MAGI2: variants seen among roughly 807,000 people sequenced by gnomAD.
MAGI2 encodes membrane-associated guanylate kinase, WW and PDZ domain-containing protein 2.
A neutral mutation model predicts 133.3 loss-of-function variants in MAGI2; 35 were observed. The observed-to-expected ratio is 0.26, with a 90% confidence interval of 0.20 to 0.35. The LOEUF (loss-of-function observed/expected upper bound fraction) is 0.35, where lower values mean the gene tolerates loss of function less well. Ranked by LOEUF, MAGI2 falls within the 10% of genes least tolerant of loss-of-function variation. The pLI, the probability that MAGI2 is intolerant of heterozygous loss-of-function variation, is 1.00. For synonymous variants in MAGI2, 729 were observed against 710.6 expected (o/e 1.03, Z -0.41); for missense variants, 1,636 against 1,863.4 (o/e 0.88, Z 2.25).
chr7:78,130,280 C>A (rs576143447), intron 18 of MAGI2, among the ~76,000 whole-genome samples: 1 of 152,230 alleles, frequency 6.6e-6, no homozygotes, highest in Admixed American at 6.5e-5. Context: ...GGAAGCCAAT[C>A]CAAGAGTAAA....
chr7:78,089,452 T>C (rs941577604), intron 20 of MAGI2, among the ~76,000 whole-genome samples: 1 of 152,234 alleles, frequency 6.6e-6, no homozygotes, highest in African/African-American at 2.4e-5. Context: ...AAACATCAAA[T>C]ATGCCAAATA....
At chr7:79,308,794 T>C (rs965466723) in intron 1 of MAGI2, among the ~76,000 whole-genome samples, 7 of 152,212 alleles carry the variant, frequency 4.6e-5, no homozygotes, top group African/African-American at 1.7e-4. Context: ...GCAAGCCAGC[T>C]GTAAAGTAAT....
chr7:78,655,984 A>C (rs1393264625), intron 2 of MAGI2, among the ~76,000 whole-genome samples: 2 of 149,636 alleles, frequency 1.3e-5, no homozygotes, highest in Non-Finnish European at 3.0e-5. Context: ...CCGTCTCAAA[A>C]AAAAAAAAAA....
chr7:78,902,314 T>C (rs1797670931), intron 2 of MAGI2, among the ~76,000 whole-genome samples: 1 of 152,196 alleles, frequency 6.6e-6, no homozygotes, highest in Non-Finnish European at 1.5e-5. Flanking sequence ...GCTGGTAAAC[T>C]AACTTTTTTC....
chr7:78,065,521 T>G lies in MAGI2; in HGVS notation c.3706+13426A>C, dbSNP rs1472942044. ...GCATTATACATCAGTTAAAAACATA[T>G]GCAAAACCAAGGCTCATTAGAGAAA... is the stretch of plus-strand genomic sequence containing the variant. On this transcript the variant is annotated intron_variant, in intron 21 of 21. Transcript: ENST00000354212. The G allele has an allele frequency of 6.3e-6, 4 of 637,214 alleles. No individual in the cohort carries two copies. The Admixed American group carries it at 1.1e-4, about 18-fold the overall frequency. The allele number at this position is 637,214 out of a possible 1,614,324, so 39.5% of individuals were successfully genotyped here. A position where few individuals can be genotyped will look rare whatever the true frequency, so the allele number is the denominator to read the frequency against.
At position 79,047,464 on chromosome 7, in the gene MAGI2, A is replaced by C. The variant is rs544963563; in HGVS notation, c.302-40258T>G. On this transcript the variant is annotated intron_variant, in intron 1 of 21. Coordinates refer to ENST00000354212, the MANE Select transcript of MAGI2 (RefSeq NM_012301.4). ...TTCTTTATTGACCTACTATTATGGA[A>C]ATATAAATGCTATAAGCCATGGTGG... Among the ~76,000 whole-genome samples, 98 of 152,242 alleles carry C rather than the reference A, an allele frequency of 6.4e-4. 1 individual carries two copies. In the South Asian group the frequency reaches 0.018, roughly 28 times the overall value.
chr7:78,400,711 T>C (rs1796781012), intron 6 of MAGI2, among the ~76,000 whole-genome samples: 1 of 152,178 alleles, frequency 6.6e-6, no homozygotes, highest in Non-Finnish European at 1.5e-5. Context: ...CATCATGATA[T>C]TTTTAGGTTG....
At chr7:78,694,834 G>A (rs954812918) in intron 2 of MAGI2, among the ~76,000 whole-genome samples, 2 of 152,148 alleles carry the variant, frequency 1.3e-5, no homozygotes, top group African/African-American at 4.8e-5. Flanking sequence ...ATTTAATACA[G>A]TTCCTGGAAC....
intron 1 of MAGI2, among the ~76,000 whole-genome samples, chr7:79,183,810 A>G (rs560125554): frequency 6.6e-6 from 1 of 152,066 alleles, no homozygotes; most frequent in East Asian, 1.9e-4. Context: ...AGCCTTTAAA[A>G]ACAGGTAATT....
At chr7:78,700,458 AC>A (rs1260553847) in intron 2 of MAGI2, among the ~76,000 whole-genome samples, 2 of 152,110 alleles carry the variant, frequency 1.3e-5, no homozygotes, top group Non-Finnish European at 2.9e-5. Flanking sequence ...TTTCAGCTCC[AC>A]AAAAACCTTA....
At chr7:78,224,808 C>T (rs1439236509) in intron 10 of MAGI2, among the ~76,000 whole-genome samples, 4 of 151,798 alleles carry the variant, frequency 2.6e-5, no homozygotes, top group African/African-American at 9.7e-5. Context: ...TCCATTCCCA[C>T]CAAGGAAAAG....
At chr7:79,047,937 A>T (rs897151726) in intron 1 of MAGI2, among the ~76,000 whole-genome samples, 1 of 152,272 alleles carries the variant, frequency 6.6e-6, no homozygotes, top group Admixed American at 6.5e-5. Context: ...AATAAATGTT[A>T]AACTTCTTTC....
intron 1 of MAGI2, among the ~76,000 whole-genome samples, chr7:79,343,098 G>T (rs1023209561): frequency 2.6e-5 from 4 of 151,980 alleles, no homozygotes; most frequent in African/African-American, 9.7e-5. Flanking sequence ...CAGCTTTACT[G>T]AGGCATAATT....
At position 79,077,587 on chromosome 7, in the gene MAGI2, A is replaced by AAT. The variant is rs1554351897; in HGVS notation, c.302-70382_302-70381insAT. On this transcript the variant is annotated intron_variant, in intron 1 of 21. Transcript: ENST00000354212. ...GAGACTGCCTCTCAAAAAAAAAAAAAAAAAAAAATAAATAAATAAATAAAT... is the reference window on the plus strand; with the variant it reads ...GAGACTGCCTCTCAAAAAAAAAAAAAATAAAAAAAATAAATAAATAAATAAAT... 7.4e-5 allele frequency among the ~76,000 whole-genome samples: 10 copies of AAT among 135,408 alleles called. 1 individual carries two copies. In the East Asian group the frequency reaches 1.7e-3, roughly 23 times the overall value. 88.8% of individuals were successfully genotyped at this position (135,408 alleles called of 152,430 possible).
intron 4 of MAGI2, among the ~76,000 whole-genome samples, chr7:78,511,554 T>TATATATAAA (rs372551773): frequency 2.9e-5 from 3 of 104,798 alleles, no homozygotes; most frequent in African/African-American, 1.2e-4. Context: ...TATATAAATT[T>TATATATAAA]TTTTTTTTTT....
At chr7:79,322,927 C>G (rs933413700) in intron 1 of MAGI2, among the ~76,000 whole-genome samples, 2 of 152,148 alleles carry the variant, frequency 1.3e-5, no homozygotes, top group Non-Finnish European at 2.9e-5. Flanking sequence ...GAGCCTCTAA[C>G]TCCTAGGCTC....
intron 2 of MAGI2, among the ~76,000 whole-genome samples, chr7:78,705,653 T>C (rs1818567705): frequency 6.6e-6 from 1 of 152,128 alleles, no homozygotes; most frequent in Non-Finnish European, 1.5e-5. Context: ...TTTGCAAACC[T>C]GGTGTTTGGG....
At chr7:78,345,564 A>T (rs931206241) in intron 8 of MAGI2, 8 of 209,124 alleles carry the variant, frequency 3.8e-5, no homozygotes, top group Admixed American at 1.1e-4. Flanking sequence ...GTCCATGAGG[A>T]GCTGTCTACT....
intron 2 of MAGI2, among the ~76,000 whole-genome samples, chr7:78,815,188 C>G (rs896990445): frequency 6.6e-6 from 1 of 152,114 alleles, no homozygotes; most frequent in African/African-American, 2.4e-5. Context: ...TTTTGCACTT[C>G]AAGGAGCTGC....
Sources: allele counts gnomAD v4.1 joint callset (sites outside exome capture counted in the v4.1 genomes callset), GRCh38; gene constraint gnomAD v4.1.1; transcripts MANE v1.5; gene names NCBI Gene and HGNC (gene_info 2026-07-23, HGNC 2026-07-21).